Variants in UBE2F observed in about 807,000 individuals in gnomAD.
The protein encoded by UBE2F is ubiquitin conjugating enzyme E2 F (putative).
A neutral mutation model predicts 29.6 loss-of-function variants in UBE2F; 5 were observed. The observed-to-expected ratio is 0.17, with a 90% CI of 0.09 to 0.36. UBE2F has a LOEUF of 0.36. Ranked by LOEUF, UBE2F falls within the 10% of genes least tolerant of loss-of-function variation. The probability of loss-of-function intolerance (pLI) is 1.00; values close to 1 mark genes in which losing one functional copy is unlikely to be tolerated. For synonymous variants in UBE2F, 66 were observed against 81.8 expected (o/e 0.81, Z 1.04); for missense variants, 141 against 228.5 (o/e 0.62, Z 2.47).
intron 4 of UBE2F, among the ~76,000 whole-genome samples, chr2:238,011,278 T>C (rs1249855661): frequency 6.6e-6 from 1 of 152,236 alleles, no homozygotes; most frequent in East Asian, 1.9e-4. Flanking sequence ...CATTGGCTTC[T>C]GCAGGGTTCA....
At position 237,987,875 on chromosome 2, in the gene UBE2F, G is replaced by C. The variant is rs944311712; in HGVS notation, c.119-88G>C. The C allele has an allele frequency of 3.6e-5, 21 of 585,228 alleles. No individual in the cohort carries two copies. In the African/African-American group the frequency reaches 5.2e-4, roughly 14 times the overall value. The allele number at this position is 585,228 out of a possible 1,614,324, so 36.3% of individuals were successfully genotyped here. On this transcript the variant is annotated intron_variant, in intron 2 of 9. Coordinates refer to ENST00000272930, the MANE Select transcript of UBE2F (RefSeq NM_080678.3). The stretch of plus-strand genomic sequence containing the variant: ...TCCTTTTTTTTTTTTTTTTGATTCA[G>C]TGTTCTAGAGGAAATTGCCAATTTA...
At chr2:237,983,681 T>C (rs2063422681) in intron 2 of UBE2F, among the ~76,000 whole-genome samples, 1 of 152,150 alleles carries the variant, frequency 6.6e-6, no homozygotes. Context: ...TGCAGCTGTT[T>C]TGACCTCACA....
chr2:237,973,463 C>G (rs563698592), intron 2 of UBE2F, among the ~76,000 whole-genome samples: 1 of 152,324 alleles, frequency 6.6e-6, no homozygotes, highest in South Asian at 2.1e-4. Flanking sequence ...TTGGGATGTT[C>G]TTTGTCACGT....
rs1202666745 is a variant in UBE2F, at chr2:237,967,393, G to C, written c.-17+261G>C. On this transcript the variant is annotated intron_variant, in intron 1 of 9. Transcript: ENST00000272930. The surrounding 1 kb of genome is among the most constrained non-coding windows in gnomAD (Gnocchi z 6.3). ...CGGGGCGCTGGCCTCGCCCGGCAGTGAGTGACCGCGGCGGCGGCGGCGGGG... is the reference window on the plus strand; with the variant it reads ...CGGGGCGCTGGCCTCGCCCGGCAGTCAGTGACCGCGGCGGCGGCGGCGGGG... 6.6e-6 allele frequency among the ~76,000 whole-genome samples: 1 copy of C among 150,390 alleles called. No homozygotes were observed.
At chr2:237,993,724 A>C (rs1016090173) in intron 3 of UBE2F, among the ~76,000 whole-genome samples, 3 of 152,224 alleles carry the variant, frequency 2.0e-5, no homozygotes, top group African/African-American at 7.2e-5. Flanking sequence ...AAAAAAGTTT[A>C]GCATAGTATT....
intron 7 of UBE2F, among the ~76,000 whole-genome samples, chr2:238,031,285 C>G (rs1471508955): frequency 6.6e-6 from 1 of 152,246 alleles, no homozygotes. Flanking sequence ...CCAGCCCTCT[C>G]CCTGGCAGAC....
At chr2:237,992,728 C>A (rs1442627148) in intron 3 of UBE2F, among the ~76,000 whole-genome samples, 3 of 152,126 alleles carry the variant, frequency 2.0e-5, no homozygotes, top group Non-Finnish European at 4.4e-5. Flanking sequence ...GGGCTAGTCA[C>A]CAAGCCTCTC....
chr2:237,973,735 G>A lies in UBE2F; in HGVS notation c.118+510G>A. 4.7e-6 allele frequency: 6 copies of A among 1,271,488 alleles called. No homozygotes were observed. In the South Asian group the frequency reaches 6.5e-5, roughly 14 times the overall value. The allele number at this position is 1,271,488 out of a possible 1,614,324, so 78.8% of individuals were successfully genotyped here. On this transcript the variant is annotated intron_variant, in intron 2 of 9. Coordinates refer to ENST00000272930, the MANE Select transcript of UBE2F (RefSeq NM_080678.3). The stretch of plus-strand genomic sequence containing the variant: ...GTGTTCTAGAGTTTTCGTGACTTCT[G>A]CTATCCATGTTGGTGAGGAGAAACT...
chr2:238,038,890 A>C (rs1487619306), intron 9 of UBE2F, among the ~76,000 whole-genome samples: 2 of 152,256 alleles, frequency 1.3e-5, no homozygotes, highest in Non-Finnish European at 2.9e-5. Flanking sequence ...TGGGAATGAC[A>C]GTCCTTGTCC....
chr2:238,028,944 G>A (rs2064501689), intron 6 of UBE2F: 1 of 152,030 alleles, frequency 6.6e-6, no homozygotes, highest in Non-Finnish European at 1.5e-5. Context: ...AGTATGGAAT[G>A]ATCATTTAAT....
intron 9 of UBE2F, among the ~76,000 whole-genome samples, chr2:238,036,936 T>C (rs946297392): frequency 1.3e-5 from 2 of 152,190 alleles, no homozygotes; most frequent in Non-Finnish European, 2.9e-5. Context: ...TTTGTTGAGC[T>C]CATACACATT....
At chr2:238,032,288 C>G in intron 8 of UBE2F, 34 bp downstream of exon 8, 1 of 1,575,160 alleles carries the variant, frequency 6.3e-7, no homozygotes, top group Non-Finnish European at 8.7e-7. Flanking sequence ...AAGTTATTCT[C>G]AATTTCCTTG....
At chr2:238,016,699 C>A (rs1427658347) in intron 5 of UBE2F, 66 bp downstream of exon 5, 4 of 1,431,642 alleles carry the variant, frequency 2.8e-6, no homozygotes, top group Non-Finnish European at 2.9e-6. Context: ...CTGTGGCCCG[C>A]CACTGGCACA....
intron 2 of UBE2F, chr2:237,973,745 T>G (rs1401527820): frequency 1.6e-6 from 2 of 1,252,742 alleles, no homozygotes; most frequent in East Asian, 1.2e-4. Flanking sequence ...GCTATCCATG[T>G]TGGTGAGGAG....
At position 237,973,624 on chromosome 2, in the gene UBE2F, T is replaced by G. The variant is rs528450224; in HGVS notation, c.118+399T>G. 8 of 1,268,366 alleles carry G rather than the reference T, an allele frequency of 6.3e-6. No homozygotes were observed. In the South Asian group the frequency reaches 8.8e-5, roughly 14 times the overall value. The allele number at this position is 1,268,366 out of a possible 1,614,324, so 78.6% of individuals were successfully genotyped here. A position where few individuals can be genotyped will look rare whatever the true frequency, so the allele number is the denominator to read the frequency against. On this transcript the variant is annotated intron_variant, in intron 2 of 9. Transcript: ENST00000272930. Reference sequence around the variant, plus strand: ...GAAGGAGTCAAATTTTGTAATCTCTTAGGATCTTTTCCTGTTTTATTCAGG... The same window carrying G: ...GAAGGAGTCAAATTTTGTAATCTCTGAGGATCTTTTCCTGTTTTATTCAGG...
intron 2 of UBE2F, among the ~76,000 whole-genome samples, chr2:237,980,625 C>T (rs7572277): frequency 0.02 from 2,992 of 152,284 alleles, 96 homozygotes; most frequent in African/African-American, 0.069. Flanking sequence ...GTCCACAGCG[C>T]CTTTGGAATG....
intron 5 of UBE2F, among the ~76,000 whole-genome samples, chr2:238,020,939 C>T (rs74712092): frequency 0.018 from 2,711 of 152,234 alleles, 70 homozygotes; most frequent in African/African-American, 0.062. Flanking sequence ...ATGTGGGTGA[C>T]GGCTATTCCT....
At chr2:237,993,555 A>T (rs2063630791) in intron 3 of UBE2F, among the ~76,000 whole-genome samples, 2 of 152,104 alleles carry the variant, frequency 1.3e-5, no homozygotes, top group Non-Finnish European at 2.9e-5. Flanking sequence ...TCTACAAAAG[A>T]TACAAAAATT....
intron 2 of UBE2F, among the ~76,000 whole-genome samples, chr2:237,977,626 C>G (rs1338182533): frequency 6.6e-6 from 1 of 152,104 alleles, no homozygotes; most frequent in African/African-American, 2.4e-5. Flanking sequence ...GCCTTCTATC[C>G]TCTGGGGAGT....
Sources: allele counts gnomAD v4.1 joint callset (sites outside exome capture counted in the v4.1 genomes callset), GRCh38; gene constraint gnomAD v4.1.1; non-coding constraint Gnocchi (gnomAD v3.1); transcripts MANE v1.5; gene names NCBI Gene and HGNC (gene_info 2026-07-23, HGNC 2026-07-21).